PTPRD: variants seen among roughly 807,000 people sequenced by gnomAD.
PTPRD encodes the protein protein tyrosine phosphatase receptor type D.
PTPRD carries 34 observed loss-of-function variants against 214.5 expected under a neutral mutation model. The ratio of observed to expected loss-of-function variants is 0.16; its 90% CI spans 0.12 to 0.21. The LOEUF (loss-of-function observed/expected upper bound fraction) is 0.21. PTPRD is among the 10% of genes least tolerant of loss of function. The pLI is 1.00. For missense variants in PTPRD, 2,545 were observed against 2,398.7 expected, an observed-to-expected ratio of 1.06 and a Z score of -1.27; for synonymous variants, 1,128 against 845.7, an observed-to-expected ratio of 1.33 and a Z score of -5.79.
chr9:9,414,401 T>C (rs764330818), intron 8 of PTPRD, among the ~76,000 whole-genome samples: 33 of 152,204 alleles, frequency 2.2e-4, no homozygotes, highest in Non-Finnish European at 2.1e-4. Flanking sequence ...AAATAGGTAC[T>C]GAGTAGAATG....
At chr9:8,552,760 AC>A (rs2082487730) in intron 14 of PTPRD, among the ~76,000 whole-genome samples, 1 of 152,172 alleles carries the variant, frequency 6.6e-6, no homozygotes. Flanking sequence ...ATTGATAATG[AC>A]CATAAATTTA....
At chr9:9,265,497 G>A (rs1938964308) in intron 9 of PTPRD, among the ~76,000 whole-genome samples, 1 of 151,324 alleles carries the variant, frequency 6.6e-6, no homozygotes, top group South Asian at 2.1e-4. Flanking sequence ...GGCCTCAAGT[G>A]ATCCCTCTAT....
chr9:10,527,177 G>T lies in PTPRD; in HGVS notation c.-600+85221C>A, dbSNP rs2054558679. Among the ~76,000 whole-genome samples the T allele has an allele frequency of 1.3e-5, 2 of 152,108 alleles. 1 individual carries two copies. Among genetic ancestry groups the T allele is most frequent in the African/African-American group, 4.8e-5 (2 of 41,434 alleles). On this transcript the variant is annotated intron_variant, in intron 2 of 45. Transcript: ENST00000381196. The stretch of plus-strand genomic sequence containing the variant: ...GAAACTAAGAATAAACAATTAAATT[G>T]ATTTCAGGCTTTGCCATTTCTCTTC...
intron 7 of PTPRD, among the ~76,000 whole-genome samples, chr9:9,584,045 C>G (rs2091418150): frequency 1.3e-5 from 2 of 151,984 alleles, no homozygotes; most frequent in Non-Finnish European, 2.9e-5. Context: ...TAAAAATCAC[C>G]TGGATTTTTG....
intron 5 of PTPRD, among the ~76,000 whole-genome samples, chr9:9,906,823 T>C (rs56257329): frequency 0.21 from 31,189 of 151,818 alleles, 3,482 homozygotes; most frequent in East Asian, 0.32. Context: ...CATAAGATTA[T>C]TCTCTTTCAA....
chr9:9,322,887 G>C (rs937846719), intron 9 of PTPRD, among the ~76,000 whole-genome samples: 1 of 152,108 alleles, frequency 6.6e-6, no homozygotes, highest in African/African-American at 2.4e-5. Context: ...TTTGCACCTT[G>C]ACATATTCCA....
At chr9:9,490,236 T>C (rs1369597076) in intron 8 of PTPRD, among the ~76,000 whole-genome samples, 1 of 151,978 alleles carries the variant, frequency 6.6e-6, no homozygotes, top group African/African-American at 2.4e-5. Flanking sequence ...CCACTAAACC[T>C]ACCCTGCAAA....
intron 10 of PTPRD, among the ~76,000 whole-genome samples, chr9:9,130,575 T>C (rs1415295663): frequency 6.6e-6 from 1 of 152,182 alleles, no homozygotes. Context: ...AAAAAGTGTT[T>C]ATATATTCTC....
intron 3 of PTPRD, among the ~76,000 whole-genome samples, chr9:10,336,695 G>A (rs1002056091): frequency 7.9e-5 from 12 of 151,348 alleles, no homozygotes; most frequent in African/African-American, 1.9e-4. Flanking sequence ...AAAAAAAATC[G>A]AGGAGGGGAG....
chr9:10,085,589 A>G (rs2098323233), intron 3 of PTPRD, among the ~76,000 whole-genome samples: 1 of 149,076 alleles, frequency 6.7e-6, no homozygotes, highest in Admixed American at 6.6e-5. Flanking sequence ...GCTAAATCTC[A>G]GGAAATGAGA....
intron 9 of PTPRD, among the ~76,000 whole-genome samples, chr9:9,326,598 C>T (rs2040020369): frequency 1.3e-5 from 2 of 150,706 alleles, no homozygotes; most frequent in Non-Finnish European, 1.5e-5. Context: ...TATAAATTAC[C>T]ATAAAACAAT....
chr9:8,931,630 T>C (rs2098953298), intron 11 of PTPRD, among the ~76,000 whole-genome samples: 1 of 152,202 alleles, frequency 6.6e-6, no homozygotes, highest in Non-Finnish European at 1.5e-5. Context: ...TATCCTCTTT[T>C]ATTTCATTGA....
intron 11 of PTPRD, among the ~76,000 whole-genome samples, chr9:8,798,871 T>A (rs1257248938): frequency 6.6e-6 from 1 of 152,176 alleles, no homozygotes; most frequent in Non-Finnish European, 1.5e-5. Flanking sequence ...TAGGTCCTAG[T>A]CTCATTGCTG....
At chr9:8,527,007 T>C (rs960912035) in intron 16 of PTPRD, among the ~76,000 whole-genome samples, 1 of 151,936 alleles carries the variant, frequency 6.6e-6, no homozygotes, top group Admixed American at 6.6e-5. Context: ...AGGAAAATAC[T>C]GGCTAATCTA....
chr9:10,306,407 A>G (rs1444700574), intron 3 of PTPRD, among the ~76,000 whole-genome samples: 1 of 152,114 alleles, frequency 6.6e-6, no homozygotes, highest in Non-Finnish European at 1.5e-5. Context: ...CATGTACCCC[A>G]AAACTTAAAG....
chr9:8,630,870 C>T (rs1365869245), intron 14 of PTPRD, among the ~76,000 whole-genome samples: 1 of 151,786 alleles, frequency 6.6e-6, no homozygotes, highest in Non-Finnish European at 1.5e-5. Context: ...TCATTGGATG[C>T]ATAAAGATAA....
At chr9:9,934,905 T>C (rs542170384) in intron 5 of PTPRD, among the ~76,000 whole-genome samples, 75 of 152,298 alleles carry the variant, frequency 4.9e-4, no homozygotes, top group African/African-American at 1.8e-3. Context: ...ATCCCTGGGA[T>C]GCAAGGCTGG....
At chr9:9,470,463 C>T (rs945334283) in intron 8 of PTPRD, among the ~76,000 whole-genome samples, 2 of 152,012 alleles carry the variant, frequency 1.3e-5, no homozygotes, top group Admixed American at 1.3e-4. Flanking sequence ...CTTTAAATGC[C>T]TTAAATACAA....
chr9:8,688,100 C>T (rs1240907535), intron 12 of PTPRD, among the ~76,000 whole-genome samples: 3 of 152,186 alleles, frequency 2.0e-5, no homozygotes, highest in Non-Finnish European at 4.4e-5. Context: ...TCCTAGTCCA[C>T]TTACTTGGCG....
Sources: allele counts gnomAD v4.1 joint callset (sites outside exome capture counted in the v4.1 genomes callset), GRCh38; gene constraint gnomAD v4.1.1; transcripts MANE v1.5; gene names NCBI Gene and HGNC (gene_info 2026-07-23, HGNC 2026-07-21).